ABCC8: variants seen among roughly 807,000 people sequenced by gnomAD.
ABCC8 encodes the protein ATP binding cassette subfamily C member 8.
Under a neutral mutation model 188.0 loss-of-function variants are expected in ABCC8, and 137 were observed. That is an observed-to-expected ratio of 0.73 (90% confidence interval 0.63 to 0.84). ABCC8 has a LOEUF of 0.84. Ranked by LOEUF, ABCC8 falls within the 40% of genes least tolerant of loss-of-function variation. ABCC8 has a pLI of 0.00. For synonymous variants in ABCC8, 797 were observed against 846.5 expected, an observed-to-expected ratio of 0.94 and a Z score of 1.01; for missense variants, 1,750 against 2,072.7, an observed-to-expected ratio of 0.84 and a Z score of 3.02.
intron 10 of ABCC8, among the ~76,000 whole-genome samples, chr11:17,437,464 C>T (rs1956150599): frequency 2.0e-5 from 3 of 152,250 alleles, no homozygotes; most frequent in African/African-American, 7.2e-5. Context: ...AGCTTTGTTG[C>T]CTGTGCAGGG....
intron 18 of ABCC8, 78 bp from the exon 19 acceptor site, chr11:17,414,688 A>T (rs1313413926): frequency 6.2e-7 from 1 of 1,600,436 alleles, no homozygotes; most frequent in Admixed American, 1.7e-5. Flanking sequence ...TGTCAAGCTG[A>T]TGGCTCAGAT....
chr11:17,456,033 G>A (rs553195240), intron 6 of ABCC8, among the ~76,000 whole-genome samples: 2 of 151,854 alleles, frequency 1.3e-5, no homozygotes, highest in East Asian at 3.9e-4. Flanking sequence ...AGTCTACCGA[G>A]AAGAGGGTCC....
chr11:17,444,294 C>A (rs1266156652), intron 8 of ABCC8: 4 of 152,260 alleles, frequency 2.6e-5, no homozygotes, highest in African/African-American at 7.2e-5. Context: ...TCTTCCCTGG[C>A]CTGCCCTGCA....
intron 12 of ABCC8, chr11:17,428,998 A>G: frequency 2.4e-6 from 1 of 417,808 alleles, no homozygotes; most frequent in South Asian, 2.8e-5. Context: ...AAGGTTAGTT[A>G]GGACTAGGAT....
rs1953750495 is a variant in ABCC8 at position 17,393,691 on chromosome 11, C to T, written c.4608+6G>A. 2 of 1,614,118 alleles carry T rather than the reference C, an allele frequency of 1.2e-6. No individual in the cohort carries two copies. The highest frequency in any genetic ancestry group is 2.2e-5 in the East Asian group (1 of 44,902). On this transcript the variant is annotated splice_donor_region_variant and intron_variant, in intron 38 of 38. Transcript: ENST00000389817. ...TCCCTCTGCACCCCATCAATGGGCC[C>T]CTTACCGCGATGGTGACCACAGTGC... is the stretch of plus-strand genomic sequence containing the variant.
intron 10 of ABCC8, among the ~76,000 whole-genome samples, chr11:17,436,737 ATAGTG>A (rs1458938388): frequency 6.6e-6 from 1 of 152,228 alleles, no homozygotes; most frequent in East Asian, 1.9e-4. Context: ...CCCTTCTGCA[ATAGTG>A]TAGAGACATG....
chr11:17,404,690 A>G lies in ABCC8; in HGVS notation c.3400-21T>C. 1 of 1,588,096 alleles carries G rather than the reference A, an allele frequency of 6.3e-7. No homozygotes were observed. Reference sequence around the variant, plus strand: ...ATGTGCTGAGGGAGACGAGGGGGAGAGAGTGAGGTGAATTTTGGTATTGAC... The same window carrying G: ...ATGTGCTGAGGGAGACGAGGGGGAGGGAGTGAGGTGAATTTTGGTATTGAC... On this transcript the variant is annotated intron_variant, in intron 27 of 38. Transcript: ENST00000389817. The surrounding 1 kb of genome is among the most constrained non-coding windows in gnomAD (Gnocchi z 4.7).
chr11:17,460,194 T>C (rs1957133335), intron 6 of ABCC8, among the ~76,000 whole-genome samples: 2 of 152,334 alleles, frequency 1.3e-5, no homozygotes, highest in South Asian at 4.1e-4. Flanking sequence ...CTCTAGACAC[T>C]GGACAAACAA....
chr11:17,409,774 G>A (rs1363886136), intron 22 of ABCC8, among the ~76,000 whole-genome samples: 1 of 152,098 alleles, frequency 6.6e-6, no homozygotes, highest in African/African-American at 2.4e-5. Flanking sequence ...GCTTTCTAAT[G>A]AATCAAAAAG....
chr11:17,394,225 C>T, intron 37 of ABCC8, 41 bp downstream of exon 37: 1 of 1,606,586 alleles, frequency 6.2e-7, no homozygotes, highest in East Asian at 2.2e-5. Context: ...CCACTAAACC[C>T]TTTCCAAGAC....
Position 17,427,191 on chromosome 11 carries a change from G to T in ABCC8, c.2117-37C>A. On this transcript the variant is annotated intron_variant, in intron 15 of 38. Coordinates refer to ENST00000389817, the MANE Select transcript of ABCC8 (RefSeq NM_000352.6). The surrounding 1 kb of genome is among the most constrained non-coding windows in gnomAD (Gnocchi z 5.0). Reference sequence around the variant, plus strand: ...GAGGGTGGCAGATGTGAGTGGGGCCGGGGGAGTCTGAACAACCATTACCCA... The same window carrying T: ...GAGGGTGGCAGATGTGAGTGGGGCCTGGGGAGTCTGAACAACCATTACCCA... 1 of 1,580,110 alleles carries T rather than the reference G, an allele frequency of 6.3e-7. No homozygotes were observed. The highest frequency in any genetic ancestry group is 8.6e-7 in the Non-Finnish European group (1 of 1,162,344).
At chr11:17,442,617 G>A in intron 10 of ABCC8, 103 bp downstream of exon 10, 3 of 1,171,766 alleles carry the variant, frequency 2.6e-6, no homozygotes, top group South Asian at 1.2e-5. Context: ...TAATCTCAAG[G>A]CCTCCTGCTT....
rs1305472755 is a variant in ABCC8 at position 17,401,690 on chromosome 11, T to G, written c.3650+971A>C. On this transcript the variant is annotated intron_variant, in intron 29 of 38. Coordinates refer to ENST00000389817, the MANE Select transcript of ABCC8 (RefSeq NM_000352.6). ...GATGAGAAAAGAGCCCAACTTTGTG[T>G]GTCAGGGGTCTCTGGCCTGCCTGAC... Among the ~76,000 whole-genome samples, 3 of 152,336 alleles carry G rather than the reference T, an allele frequency of 2.0e-5. No individual in the cohort carries two copies. The East Asian group carries it at 5.8e-4, about 29-fold the overall frequency.
At chr11:17,408,800 C>T (rs1189667217) in intron 22 of ABCC8, among the ~76,000 whole-genome samples, 4 of 152,162 alleles carry the variant, frequency 2.6e-5, no homozygotes, top group African/African-American at 7.2e-5. Flanking sequence ...ACAAGGACTC[C>T]ACCCACGGCA....
At chr11:17,452,308 A>G (rs7946604) in intron 7 of ABCC8, among the ~76,000 whole-genome samples, 2 of 152,158 alleles carry the variant, frequency 1.3e-5, no homozygotes, top group Non-Finnish European at 2.9e-5. Flanking sequence ...CAAATAGGTC[A>G]CTCTCATTAG....
At chr11:17,430,743 T>C in intron 12 of ABCC8, 71 bp downstream of exon 12, 6 of 1,527,286 alleles carry the variant, frequency 3.9e-6, no homozygotes, top group Non-Finnish European at 5.4e-6. Context: ...GGTTTGGCCA[T>C]CACTCGAGCA....
intron 33 of ABCC8, chr11:17,396,156 C>T: frequency 9.4e-7 from 1 of 1,061,038 alleles, no homozygotes; most frequent in Non-Finnish European, 1.3e-6. Context: ...GCATGGATGT[C>T]CATTTGCCTG....
chr11:17,409,362 G>A (rs1954699982), intron 22 of ABCC8, among the ~76,000 whole-genome samples: 1 of 152,152 alleles, frequency 6.6e-6, no homozygotes, highest in African/African-American at 2.4e-5. Context: ...CCTATGCTGG[G>A]GTTCAAGGGG....
intron 12 of ABCC8, chr11:17,429,274 G>T (rs1185336311): frequency 6.5e-6 from 1 of 153,460 alleles, no homozygotes; most frequent in African/African-American, 2.4e-5. Context: ...AGGATTGTTT[G>T]TATTCCCCTT....
Sources: allele counts gnomAD v4.1 joint callset (sites outside exome capture counted in the v4.1 genomes callset), GRCh38; gene constraint gnomAD v4.1.1; non-coding constraint Gnocchi (gnomAD v3.1); transcripts MANE v1.5; gene names NCBI Gene and HGNC (gene_info 2026-07-23, HGNC 2026-07-21).